The following GPD2 variants were observed in gnomAD, a reference collection of about 807,000 sequenced individuals.
The protein encoded by GPD2 is glycerol-3-phosphate dehydrogenase 2.
A neutral mutation model predicts 82.4 loss-of-function variants in GPD2; 54 were observed. The ratio of observed to expected loss-of-function variants is 0.66; its 90% CI spans 0.53 to 0.82. The LOEUF is 0.82. GPD2 is among the 40% of genes least tolerant of loss of function. GPD2 has a pLI of 0.00. For missense variants in GPD2, 748 were observed against 896.2 expected (o/e 0.83, Z 2.11); for synonymous variants, 288 against 306.1 (o/e 0.94, Z 0.62).
At chr2:156,441,259 A>T (rs1226763707) in intron 1 of GPD2, among the ~76,000 whole-genome samples, 19 of 152,052 alleles carry the variant, frequency 1.2e-4, no homozygotes, top group Admixed American at 1.2e-3. Flanking sequence ...ATAAACTGTT[A>T]TATGTAAGTA....
intron 6 of GPD2, among the ~76,000 whole-genome samples, chr2:156,547,861 A>G (rs999254135): frequency 5.9e-5 from 9 of 152,222 alleles, no homozygotes; most frequent in African/African-American, 2.2e-4. Flanking sequence ...CATAAATGGA[A>G]TTTCTGCCTG....
chr2:156,538,917 T>C (rs1249952988), intron 6 of GPD2, among the ~76,000 whole-genome samples: 1 of 151,228 alleles, frequency 6.6e-6, no homozygotes, highest in Non-Finnish European at 1.5e-5. Flanking sequence ...AAAAACAATA[T>C]CTGTTAAAGA....
chr2:156,532,074 C>T (rs1283748483), intron 6 of GPD2, among the ~76,000 whole-genome samples: 1 of 152,160 alleles, frequency 6.6e-6, no homozygotes, highest in Non-Finnish European at 1.5e-5. Flanking sequence ...GTGATCACAA[C>T]TCACTGCAGT....
chr2:156,439,513 G>GCA (rs1682066686), intron 1 of GPD2, among the ~76,000 whole-genome samples: 1 of 31,622 alleles, frequency 3.2e-5, no homozygotes, highest in Non-Finnish European at 5.1e-5. Context: ...GACTGTCTCA[G>GCA]AAAAAAAAAA....
chr2:156,450,319 T>A (rs1227219894), intron 1 of GPD2, among the ~76,000 whole-genome samples: 1 of 152,150 alleles, frequency 6.6e-6, no homozygotes, highest in Non-Finnish European at 1.5e-5. Flanking sequence ...TGGCTGAGGA[T>A]ACAGACTTAG....
intron 6 of GPD2, among the ~76,000 whole-genome samples, chr2:156,533,318 A>G (rs1470436756): frequency 3.3e-5 from 5 of 152,104 alleles, no homozygotes; most frequent in Non-Finnish European, 7.4e-5. Context: ...TCCTCCATCA[A>G]CTCATGAGCT....
At chr2:156,462,446 C>T (rs1220635634) in intron 1 of GPD2, among the ~76,000 whole-genome samples, 1 of 149,238 alleles carries the variant, frequency 6.7e-6, no homozygotes, top group Non-Finnish European at 1.5e-5. Flanking sequence ...ACACCACACC[C>T]GGATACATTT....
chr2:156,513,339 G>A lies in GPD2; in HGVS notation c.504G>A (p.Trp168Ter), dbSNP rs1485699412. 4.4e-6 allele frequency: 7 copies of A among 1,608,568 alleles called. No homozygotes were observed. The highest frequency in any genetic ancestry group is 1.1e-5 in the South Asian group (1 of 90,930). ...CCCCCTATTTATGCTGTAGGTGGTG[G>A]CAGTTACCTTACTACTGGGTAGGAA... Reference protein sequence around the residue: ...LPIMLPVYKWWQLPYYWVGIK... With the variant: ...LPIMLPVYKW The change falls in exon 6 of 17, where the codon TGG becomes TGA. Residue 168 changes from tryptophan to a stop codon, truncating the protein, a stop_gained. Transcript: ENST00000438166. LOFTEE classifies it high-confidence loss of function.
At chr2:156,405,249 T>C in the GPD2 span, among the ~76,000 whole-genome samples, 1 of 151,948 alleles carries the variant, frequency 6.6e-6, no homozygotes, top group Non-Finnish European at 1.5e-5. Flanking sequence ...GAAGAGAAAA[T>C]ACTGGAAGGA....
At chr2:156,580,341 T>C (rs1342899096) in intron 16 of GPD2, among the ~76,000 whole-genome samples, 1 of 152,220 alleles carries the variant, frequency 6.6e-6, no homozygotes, top group Non-Finnish European at 1.5e-5. Context: ...AGTATTTCCA[T>C]TTCCAATTGT....
chr2:156,520,387 G>A (rs1685356987), intron 6 of GPD2, among the ~76,000 whole-genome samples: 1 of 152,074 alleles, frequency 6.6e-6, no homozygotes, highest in African/African-American at 2.4e-5. Context: ...AGACATTGAA[G>A]CCAACTGTGA....
chr2:156,410,460 A>T, the GPD2 span, among the ~76,000 whole-genome samples: 1 of 152,222 alleles, frequency 6.6e-6, no homozygotes, highest in African/African-American at 2.4e-5. Flanking sequence ...CAAAATCTAT[A>T]TATGTGTTTT....
chr2:156,436,066 G>C (rs569630928), upstream of GPD2, among the ~76,000 whole-genome samples: 14 of 152,310 alleles, frequency 9.2e-5, no homozygotes, highest in South Asian at 2.5e-3. Flanking sequence ...GACCCCACCC[G>C]GCGGCAGGAC....
intron 6 of GPD2, among the ~76,000 whole-genome samples, chr2:156,529,615 A>G (rs1229501846): frequency 1.4e-4 from 21 of 151,914 alleles, no homozygotes; most frequent in Admixed American, 3.9e-4. Flanking sequence ...TGATTTTTGT[A>G]TAAGCTGTAA....
intron 2 of GPD2, among the ~76,000 whole-genome samples, chr2:156,487,236 G>T (rs562612941): frequency 6.6e-6 from 1 of 152,168 alleles, no homozygotes; most frequent in South Asian, 2.1e-4. Flanking sequence ...ACAAACCCAG[G>T]AGGTGGAAGT....
In GPD2 at chr2:156,438,274, T is replaced by C. The variant is rs550392289; in HGVS notation, c.-9+1761T>C. Among the ~76,000 whole-genome samples, 103 of 152,318 alleles carry C rather than the reference T, an allele frequency of 6.8e-4. 1 individual carries two copies. The highest frequency in any genetic ancestry group is 2.2e-3 in the African/African-American group (93 of 41,574). ...TTAAAACTCAGCCTCAATTGTCTCA[T>C]TGGCAAAATATGGATAATAAATGCT... On this transcript the variant is annotated intron_variant, in intron 1 of 16. Transcript: ENST00000438166.
chr2:156,439,105 A>T (rs1682051589), intron 1 of GPD2, among the ~76,000 whole-genome samples: 1 of 152,264 alleles, frequency 6.6e-6, no homozygotes, highest in Admixed American at 6.5e-5. Flanking sequence ...AAAAGCCAAC[A>T]TAATCTTGTA....
intron 3 of GPD2, among the ~76,000 whole-genome samples, chr2:156,508,470 ACTGT>A (rs1202425485): frequency 6.6e-6 from 1 of 152,032 alleles, no homozygotes; most frequent in Non-Finnish European, 1.5e-5. Context: ...ATTACTGGAG[ACTGT>A]CTAAGTAGTC....
intron 6 of GPD2, among the ~76,000 whole-genome samples, chr2:156,519,125 G>A (rs1451979946): frequency 6.6e-6 from 1 of 151,824 alleles, no homozygotes; most frequent in South Asian, 2.1e-4. Context: ...ACAGTAATAT[G>A]TACATTATGT....
Sources: allele counts gnomAD v4.1 joint callset (sites outside exome capture counted in the v4.1 genomes callset), GRCh38; gene constraint gnomAD v4.1.1; transcripts MANE v1.5; gene names NCBI Gene and HGNC (gene_info 2026-07-23, HGNC 2026-07-21).